The following MARCO variants were observed in gnomAD, a reference collection of about 807,000 sequenced individuals.
MARCO encodes the protein macrophage receptor MARCO.
A neutral mutation model predicts 70.0 loss-of-function variants in MARCO; 72 were observed. The observed-to-expected ratio is 1.03, with a 90% CI of 0.85 to 1.25. MARCO has a LOEUF of 1.25. Among genes scored for constraint, MARCO ranks in the 50% most tolerant of loss-of-function variants. The pLI is 0.00. For synonymous variants in MARCO, 273 were observed against 243.1 expected, an observed-to-expected ratio of 1.12 and a Z score of -1.14; for missense variants, 696 against 659.3, an observed-to-expected ratio of 1.06 and a Z score of -0.61.
At chr2:118,948,236 C>T (rs1679640035) in intron 1 of MARCO, among the ~76,000 whole-genome samples, 1 of 152,180 alleles carries the variant, frequency 6.6e-6, no homozygotes, top group Non-Finnish European at 1.5e-5. Flanking sequence ...CACACCTGAA[C>T]AAAAGAAAAG....
intron 6 of MARCO, among the ~76,000 whole-genome samples, chr2:118,977,188 AATGC>A (rs1326653087): frequency 6.6e-6 from 1 of 150,834 alleles, no homozygotes; most frequent in African/African-American, 2.4e-5. Context: ...CCAGGCTTCC[AATGC>A]ATGAACTTTT....
At chr2:118,990,709 T>A in intron 13 of MARCO, 76 bp downstream of exon 13, 1 of 1,381,782 alleles carries the variant, frequency 7.2e-7, no homozygotes, top group Non-Finnish European at 1.0e-6. Flanking sequence ...CAGGTCTTGT[T>A]GACATTGAAT....
intron 14 of MARCO, 121 bp from the exon 15 acceptor site, chr2:118,992,311 C>T (rs1368352972): frequency 3.9e-5 from 29 of 744,028 alleles, no homozygotes; most frequent in East Asian, 3.4e-4. Flanking sequence ...AGGCCACAGG[C>T]GAGACCCACG....
Position 118,969,226 on chromosome 2 carries a change from T to C in MARCO, c.164T>C (p.Leu55Pro). 1 of 1,614,246 alleles carries C rather than the reference T, an allele frequency of 6.2e-7. No individual in the cohort carries two copies. Among genetic ancestry groups the C allele is most frequent in the Non-Finnish European group, 8.5e-7 (1 of 1,180,044 alleles). Residue 55 changes from leucine to proline, a missense_variant, in exon 2 of 17, where the codon CTG (leucine) becomes CCG (proline). This residue lies in a region of MARCO where 605 missense variants were observed against 537.6 expected (regional missense o/e 1.13). Coordinates refer to ENST00000327097, the MANE Select transcript of MARCO (RefSeq NM_006770.4). ...SLAVVVIYLILLTAGAGLLVV... is the reference protein window; with the variant it reads ...SLAVVVIYLIPLTAGAGLLVV... ...GCTGTGGTGGTCATCTACCTGATCC[T>C]GCTCACCGCTGGCGCTGGGCTGCTG... is the stretch of plus-strand genomic sequence containing the variant.
At chr2:118,960,317 C>T (rs1679918476) in intron 1 of MARCO, among the ~76,000 whole-genome samples, 1 of 152,034 alleles carries the variant, frequency 6.6e-6, no homozygotes, top group African/African-American at 2.4e-5. Flanking sequence ...AAGGCAAGAA[C>T]ATATATCCTT....
intron 12 of MARCO, among the ~76,000 whole-genome samples, chr2:118,986,160 G>C (rs1020638302): frequency 6.6e-6 from 1 of 152,078 alleles, no homozygotes; most frequent in African/African-American, 2.4e-5. Flanking sequence ...GTTTCTGAGA[G>C]AGCTTTGCAG....
In MARCO at chr2:118,987,415, GT is replaced by G. The variant is rs1359406983; in HGVS notation, c.1064-3172del. Reference sequence around the variant, plus strand: ...GTCCATGGACAACCACTCAGCCAGTGTTCTCTTAGAGTCCAGCGAGGCTTGG... The same window carrying G: ...GTCCATGGACAACCACTCAGCCAGTGTCTCTTAGAGTCCAGCGAGGCTTGG... On this transcript the variant is annotated intron_variant, in intron 12 of 16. Coordinates refer to ENST00000327097, the MANE Select transcript of MARCO (RefSeq NM_006770.4). Among the ~76,000 whole-genome samples the G allele has an allele frequency of 3.9e-5, 6 of 152,302 alleles. No homozygotes were observed. The South Asian group carries it at 1.2e-3, about 32-fold the overall frequency.
At chr2:118,979,919 C>T (rs956305165) in intron 8 of MARCO, among the ~76,000 whole-genome samples, 1 of 152,208 alleles carries the variant, frequency 6.6e-6, no homozygotes, top group Non-Finnish European at 1.5e-5. Flanking sequence ...AGCCTATTTT[C>T]CTCACTCTAC....
Position 118,977,475 on chromosome 2 carries a change from C to T in MARCO, c.618C>T (p.Leu206=). The change falls in exon 7 of 17, where the codon CTC becomes CTT. Residue 206 remains leucine, a synonymous_variant. Transcript: ENST00000327097. ...GPPGVKGEAG[L]QGPQGAPGKQ... ...CTCTTTTTTCCTTCCTCACAGGCCT[C>T]CAAGGACCCCAGGGTGCTCCAGGGA... 2 of 1,613,944 alleles carry T rather than the reference C, an allele frequency of 1.2e-6. No homozygotes were observed. Among genetic ancestry groups the T allele is most frequent in the Non-Finnish European group, 1.7e-6 (2 of 1,179,906 alleles).
Position 118,991,272 on chromosome 2 carries a change from T to G in MARCO, c.1109-505T>G, listed in dbSNP as rs189393328. ...TTTATGGTTTTTTTTTTTTTCAATT[T>G]TTTTAGAGACAAATTCTCTGTGTCA... is the stretch of plus-strand genomic sequence containing the variant. On this transcript the variant is annotated intron_variant, in intron 13 of 16. Coordinates refer to ENST00000327097, the MANE Select transcript of MARCO (RefSeq NM_006770.4). Among the ~76,000 whole-genome samples, 257 of 151,808 alleles carry G rather than the reference T, an allele frequency of 1.7e-3. 1 individual carries two copies. Among genetic ancestry groups the G allele is most frequent in the African/African-American group, 6.0e-3 (248 of 41,222 alleles).
intron 1 of MARCO, among the ~76,000 whole-genome samples, chr2:118,955,339 G>A (rs1015844757): frequency 2.0e-5 from 3 of 152,064 alleles, no homozygotes. Flanking sequence ...AATTGGATAA[G>A]TAGAAGAAAG....
chr2:118,945,776 A>G (rs1679586904), intron 1 of MARCO, among the ~76,000 whole-genome samples: 2 of 152,196 alleles, frequency 1.3e-5, no homozygotes, highest in Non-Finnish European at 2.9e-5. Flanking sequence ...CAGTCTGAAG[A>G]ACATTCTTCT....
intron 13 of MARCO, 31 bp downstream of exon 13, chr2:118,990,664 G>A (rs1285776327): frequency 6.2e-7 from 1 of 1,600,932 alleles, no homozygotes. Flanking sequence ...TCATCCCTCG[G>A]AGTGATGACG....
chr2:118,983,381 A>G (rs1239606601), intron 12 of MARCO, among the ~76,000 whole-genome samples: 1 of 152,126 alleles, frequency 6.6e-6, no homozygotes, highest in Non-Finnish European at 1.5e-5. Context: ...TTCATTCATC[A>G]CCACCTCCTG....
chr2:118,982,418 A>T lies in MARCO; in HGVS notation c.1063+8A>T, dbSNP rs746272778. The stretch of plus-strand genomic sequence containing the variant: ...GAAGCAAAGGGGACACAGGTAACAG[A>T]GGGTGCAGTGGGTGAGTAGGTGGGC... On this transcript the variant is annotated splice_region_variant and intron_variant, in intron 12 of 16. Transcript: ENST00000327097. The T allele has an allele frequency of 1.1e-5, 18 of 1,613,588 alleles. No homozygotes were observed. The highest frequency in any genetic ancestry group is 1.5e-5 in the Non-Finnish European group (18 of 1,179,698).
intron 3 of MARCO, 114 bp from the exon 4 acceptor site, chr2:118,971,385 G>C: frequency 1.0e-6 from 1 of 993,482 alleles, no homozygotes; most frequent in Non-Finnish European, 1.6e-6. Flanking sequence ...AGTCTGATGG[G>C]AGCCCCACAC....
chr2:118,981,723 C>A, intron 10 of MARCO, 67 bp downstream of exon 10: 1 of 1,417,026 alleles, frequency 7.1e-7, no homozygotes, highest in Non-Finnish European at 9.9e-7. Context: ...AAGCTGGGGA[C>A]CAGACACCAC....
Position 118,969,199 on chromosome 2 carries a change from T to C in MARCO, c.137T>C (p.Leu46Pro), listed in dbSNP as rs1455129664. The C allele has an allele frequency of 1.9e-6, 3 of 1,614,086 alleles. No individual in the cohort carries two copies. Among genetic ancestry groups the C allele is most frequent in the Admixed American group, 1.7e-5 (1 of 60,014 alleles). Residue 46 changes from leucine (L) to proline (P), a missense_variant, in exon 2 of 17, where the codon CTA becomes CCA. This residue lies in a region of MARCO where 605 missense variants were observed against 537.6 expected (regional missense o/e 1.13). Transcript: ENST00000327097. ...PKRRNGVNFS[L>P]AVVVIYLILL... is the part of the protein sequence containing the mutation. ...AGGAGAAATGGGGTGAACTTCTCCC[T>C]AGCTGTGGTGGTCATCTACCTGATC...
chr2:118,965,401 G>A (rs954925720), intron 1 of MARCO, among the ~76,000 whole-genome samples: 1 of 151,778 alleles, frequency 6.6e-6, no homozygotes, highest in African/African-American at 2.4e-5. Context: ...GTTTCCATTT[G>A]GTTCTTTTTT....
Sources: allele counts gnomAD v4.1 joint callset (sites outside exome capture counted in the v4.1 genomes callset), GRCh38; gene constraint gnomAD v4.1.1; regional missense constraint gnomAD v4.1.1; transcripts MANE v1.5; gene names NCBI Gene and HGNC (gene_info 2026-07-23, HGNC 2026-07-21).